HSBP1: variants seen among roughly 807,000 people sequenced by gnomAD.
The protein encoded by HSBP1 is heat shock factor-binding protein 1.
In HSBP1, 5 loss-of-function variants were observed where a neutral mutation model predicts 9.6. That is an observed-to-expected ratio of 0.52 (90% confidence interval 0.27 to 1.09). The LOEUF is 1.09. Among genes scored for constraint, HSBP1 ranks in the 50% least tolerant of loss-of-function variants. The pLI, the probability that HSBP1 is intolerant of heterozygous loss-of-function variation, is 0.11. For missense variants in HSBP1, 121 were observed against 96.3 expected, an observed-to-expected ratio of 1.26 and a Z score of -1.07; for synonymous variants, 42 against 33.3, an observed-to-expected ratio of 1.26 and a Z score of -0.90.
At chr16:83,809,071 A>G (rs1904534341) in intron 2 of HSBP1, 1 of 544,200 alleles carries the variant, frequency 1.8e-6, no homozygotes, top group Non-Finnish European at 3.2e-6. Flanking sequence ...TCTTTAGCAA[A>G]TGAATAAATT....
intron 3 of HSBP1, 46 bp from the exon 4 acceptor site, chr16:83,811,375 G>T (rs1406110499): frequency 6.6e-6 from 1 of 152,200 alleles, no homozygotes; most frequent in Non-Finnish European, 1.5e-5. Flanking sequence ...TTTTACTTGT[G>T]CTCATATAAT....
intron 2 of HSBP1, chr16:83,809,042 G>C (rs1904533609): frequency 3.7e-6 from 2 of 547,508 alleles, no homozygotes; most frequent in South Asian, 5.0e-5. Flanking sequence ...GACCTTATGA[G>C]TGGGTTGTAG....
intron 2 of HSBP1, 70 bp from the exon 3 acceptor site, chr16:83,809,235 T>G (rs1904538843): frequency 1.0e-6 from 1 of 954,900 alleles, no homozygotes; most frequent in South Asian, 1.4e-5. Context: ...TGTTTAAGGC[T>G]GTAGTCTGCA....
intron 3 of HSBP1, among the ~76,000 whole-genome samples, chr16:83,811,211 T>A (rs772584078): frequency 2.0e-5 from 3 of 152,256 alleles, no homozygotes; most frequent in Non-Finnish European, 4.4e-5. Flanking sequence ...GTGATGGGGG[T>A]CATTCAAAGA....
At position 83,817,876 on chromosome 16, in the gene HSBP1, G is replaced by C. The variant is rs1904756781; in HGVS notation, c.*6458G>C. Reference sequence around the variant, plus strand: ...ACTGGACCGAATTATTCATGGAACAGAAGCCTAGGACTGGTAAGTCCAGGA... The same window carrying C: ...ACTGGACCGAATTATTCATGGAACACAAGCCTAGGACTGGTAAGTCCAGGA... On this transcript the variant is annotated 3_prime_UTR_variant, in exon 4 of 4. Transcript: ENST00000433866. 1 of 152,180 alleles carries C rather than the reference G, an allele frequency of 6.6e-6. No homozygotes were observed. The highest frequency in any genetic ancestry group is 1.5e-5 in the Non-Finnish European group (1 of 68,044). The allele number at this position is 152,180 out of a possible 1,614,324, so 9.4% of individuals were successfully genotyped here.
rs1366661618 is a variant in HSBP1, at chr16:83,819,077, C to T, written c.*7659C>T. On this transcript the variant is annotated 3_prime_UTR_variant, in exon 4 of 4. Transcript: ENST00000433866. The stretch of plus-strand genomic sequence containing the variant: ...ATTCTGAGAGTGAGAGAGCCAGGGC[C>T]TTCGGGCATCAACCTTGGGGCGAGG... 1 of 151,932 alleles carries T rather than the reference C, an allele frequency of 6.6e-6. No homozygotes were observed. The highest frequency in any genetic ancestry group is 6.6e-5 in the Admixed American group (1 of 15,262). The allele number at this position is 151,932 out of a possible 1,614,324, so 9.4% of individuals were successfully genotyped here.
Position 83,808,827 on chromosome 16 carries a change from T to G in HSBP1, c.112+81T>G, listed in dbSNP as rs1402134955. 7.0e-6 allele frequency: 7 copies of G among 997,068 alleles called. No individual in the cohort carries two copies. The Admixed American group carries it at 1.5e-4, about 21-fold the overall frequency. 61.8% of individuals were successfully genotyped at this position (997,068 alleles called of 1,614,324 possible). ...GCAGTGGTGGGGATAAATGAGTAGT[T>G]TTCAGGCTAGCTTCAGCCATTCACT... On this transcript the variant is annotated intron_variant, in intron 2 of 3. Coordinates refer to ENST00000433866, the MANE Select transcript of HSBP1 (RefSeq NM_001537.4).
chr16:83,817,220 T>TG lies in HSBP1; in HGVS notation c.*5802_*5803insG, dbSNP rs1904740328. ...ATGTAATTCACCAAGTTCCATGGGA[T>TG]TCCGCCACGCCCGTGTCAACCCAGC... On this transcript the variant is annotated 3_prime_UTR_variant, in exon 4 of 4. Transcript: ENST00000433866. 2.0e-5 allele frequency: 3 copies of TG among 152,248 alleles called. No homozygotes were observed. Among genetic ancestry groups the TG allele is most frequent in the African/African-American group, 7.2e-5 (3 of 41,468 alleles). 9.4% of individuals were successfully genotyped at this position (152,248 alleles called of 1,614,324 possible).
rs1375662879 is a variant in HSBP1, at chr16:83,814,970, C to T, written c.*3552C>T. The T allele has an allele frequency of 2.6e-5, 4 of 152,240 alleles. No individual in the cohort carries two copies. The highest frequency in any genetic ancestry group is 3.9e-4 in the East Asian group (2 of 5,176). 9.4% of individuals were successfully genotyped at this position (152,240 alleles called of 1,614,324 possible). A position where few individuals can be genotyped will look rare whatever the true frequency, so the allele number is the denominator to read the frequency against. On this transcript the variant is annotated 3_prime_UTR_variant, in exon 4 of 4. Transcript: ENST00000433866. Reference sequence around the variant, plus strand: ...ATAAAAAGACACCCCCCCGCCACTCCGTGACCTATTAGCTTACCATCCTAT... The same window carrying T: ...ATAAAAAGACACCCCCCCGCCACTCTGTGACCTATTAGCTTACCATCCTAT...
At chr16:83,808,611 G>C in intron 1 of HSBP1, 69 bp from the exon 2 acceptor site, 3 of 1,253,270 alleles carry the variant, frequency 2.4e-6, no homozygotes, top group Non-Finnish European at 3.4e-6. Context: ...ACCAGGGCTT[G>C]CGTCCTGATC....
At position 83,812,302 on chromosome 16, in the gene HSBP1, G is replaced by A. The variant is rs552765640; in HGVS notation, c.*884G>A. The stretch of plus-strand genomic sequence containing the variant: ...CATGCCAGTTGCTTGGCTAGAATAT[G>A]ATCAACGACTTGTAGTAGACTCAAG... On this transcript the variant is annotated 3_prime_UTR_variant, in exon 4 of 4. Transcript: ENST00000433866. The A allele has an allele frequency of 2.6e-5, 4 of 152,592 alleles. No individual in the cohort carries two copies. The South Asian group carries it at 8.3e-4, about 32-fold the overall frequency. 9.5% of individuals were successfully genotyped at this position (152,592 alleles called of 1,614,324 possible).
In HSBP1 at chr16:83,811,664, G is replaced by C. The variant is rs1339441079; in HGVS notation, c.*246G>C. The C allele has an allele frequency of 2.6e-5, 4 of 152,180 alleles. No homozygotes were observed. The highest frequency in any genetic ancestry group is 5.9e-5 in the Non-Finnish European group (4 of 68,020). 9.4% of individuals were successfully genotyped at this position (152,180 alleles called of 1,614,324 possible). On this transcript the variant is annotated 3_prime_UTR_variant, in exon 4 of 4. Coordinates refer to ENST00000433866, the MANE Select transcript of HSBP1 (RefSeq NM_001537.4). ...AAACACTAAAACTTTGGCGGTTCTT[G>C]CATAACATTGTCAGATTTTTTAGTG...
In HSBP1 at chr16:83,811,652, T is replaced by C. The variant is rs1449929089; in HGVS notation, c.*234T>C. The C allele has an allele frequency of 1.3e-5, 2 of 152,252 alleles. No homozygotes were observed. Among genetic ancestry groups the C allele is most frequent in the Non-Finnish European group, 2.9e-5 (2 of 68,028 alleles). 9.4% of individuals were successfully genotyped at this position (152,252 alleles called of 1,614,324 possible). ...CTATTCATTATTAAACACTAAAACT[T>C]TGGCGGTTCTTGCATAACATTGTCA... On this transcript the variant is annotated 3_prime_UTR_variant, in exon 4 of 4. Transcript: ENST00000433866.
Position 83,813,030 on chromosome 16 carries a change from C to G in HSBP1, c.*1612C>G, listed in dbSNP as rs1389051822. On this transcript the variant is annotated 3_prime_UTR_variant, in exon 4 of 4. Coordinates refer to ENST00000433866, the MANE Select transcript of HSBP1 (RefSeq NM_001537.4). The stretch of plus-strand genomic sequence containing the variant: ...TTGTGTCAAAAATCTGTTTGGTTTT[C>G]AGATGGAAATGCAGAAATCACATTA... 1 of 152,206 alleles carries G rather than the reference C, an allele frequency of 6.6e-6. No homozygotes were observed. The highest frequency in any genetic ancestry group is 1.5e-5 in the Non-Finnish European group (1 of 68,060). 9.4% of individuals were successfully genotyped at this position (152,206 alleles called of 1,614,324 possible).
chr16:83,811,962 T>G lies in HSBP1; in HGVS notation c.*544T>G, dbSNP rs910927670. ...TCAGAAATATCTGTCACTGCTCTGT[T>G]GCCAAAACTCAGAATAGAACTTAGA... On this transcript the variant is annotated 3_prime_UTR_variant, in exon 4 of 4. Transcript: ENST00000433866. The G allele has an allele frequency of 2.0e-5, 3 of 152,662 alleles. No homozygotes were observed. Among genetic ancestry groups the G allele is most frequent in the African/African-American group, 7.2e-5 (3 of 41,464 alleles). The allele number at this position is 152,662 out of a possible 1,614,324, so 9.5% of individuals were successfully genotyped here. A position where few individuals can be genotyped will look rare whatever the true frequency, so the allele number is the denominator to read the frequency against.
In HSBP1 at chr16:83,819,344, G is replaced by T. The variant is rs146832112; in HGVS notation, c.*7926G>T. ...TGCGTAGAGAAATGGGAGTGTGGGCGATGCTCCCATGCTGGGAGTCTCAGG... is the reference window on the plus strand; with the variant it reads ...TGCGTAGAGAAATGGGAGTGTGGGCTATGCTCCCATGCTGGGAGTCTCAGG... On this transcript the variant is annotated 3_prime_UTR_variant, in exon 4 of 4. Transcript: ENST00000433866. The T allele has an allele frequency of 1.3e-5, 2 of 152,084 alleles. No homozygotes were observed. Among genetic ancestry groups the T allele is most frequent in the Admixed American group, 1.3e-4 (2 of 15,266 alleles). The allele number at this position is 152,084 out of a possible 1,614,324, so 9.4% of individuals were successfully genotyped here. A position where few individuals can be genotyped will look rare whatever the true frequency, so the allele number is the denominator to read the frequency against.
chr16:83,811,480 C>T lies in HSBP1; in HGVS notation c.*62C>T, dbSNP rs1050131924. 1.1e-4 allele frequency: 16 copies of T among 152,176 alleles called. No individual in the cohort carries two copies. The highest frequency in any genetic ancestry group is 3.9e-4 in the African/African-American group (16 of 41,428). 9.4% of individuals were successfully genotyped at this position (152,176 alleles called of 1,614,324 possible). ...TCCAAGCCAAGAGAAGATCGAATGGCTTTTTGCAGCTAACTACTATGTGTA... is the reference window on the plus strand; with the variant it reads ...TCCAAGCCAAGAGAAGATCGAATGGTTTTTTGCAGCTAACTACTATGTGTA... On this transcript the variant is annotated 3_prime_UTR_variant, in exon 4 of 4. Transcript: ENST00000433866.
intron 2 of HSBP1, 70 bp downstream of exon 2, chr16:83,808,816 A>T: frequency 9.0e-7 from 1 of 1,110,182 alleles, no homozygotes; most frequent in Non-Finnish European, 1.3e-6. Context: ...TGGTGGGGAT[A>T]AATGAGTAGT....
At position 83,813,945 on chromosome 16, in the gene HSBP1, G is replaced by C. The variant is rs907668651; in HGVS notation, c.*2527G>C. ...TATCAGGACTAACACAATATTTCACGTAACTAAGAGTTAATTTGCCCTTGT... is the reference window on the plus strand; with the variant it reads ...TATCAGGACTAACACAATATTTCACCTAACTAAGAGTTAATTTGCCCTTGT... On this transcript the variant is annotated 3_prime_UTR_variant, in exon 4 of 4. Coordinates refer to ENST00000433866, the MANE Select transcript of HSBP1 (RefSeq NM_001537.4). 1.3e-5 allele frequency: 2 copies of C among 152,062 alleles called. No individual in the cohort carries two copies. Among genetic ancestry groups the C allele is most frequent in the Non-Finnish European group, 2.9e-5 (2 of 68,028 alleles). 9.4% of individuals were successfully genotyped at this position (152,062 alleles called of 1,614,324 possible). A position where few individuals can be genotyped will look rare whatever the true frequency, so the allele number is the denominator to read the frequency against.
Sources: allele counts gnomAD v4.1 joint callset (sites outside exome capture counted in the v4.1 genomes callset), GRCh38; gene constraint gnomAD v4.1.1; transcripts MANE v1.5; gene names NCBI Gene and HGNC (gene_info 2026-07-23, HGNC 2026-07-21).